ARHGEF18: variants seen among roughly 807,000 people sequenced by gnomAD.
ARHGEF18 encodes the protein rho guanine nucleotide exchange factor 18.
ARHGEF18 carries 93 observed loss-of-function variants against 155.7 expected under a neutral mutation model. The observed-to-expected ratio is 0.60, with a 90% confidence interval of 0.50 to 0.71. ARHGEF18 has a LOEUF of 0.71. Among genes scored for constraint, ARHGEF18 ranks in the 30% least tolerant of loss-of-function variants. ARHGEF18 has a pLI of 0.00. For synonymous variants in ARHGEF18, 742 were observed against 753.1 expected, an observed-to-expected ratio of 0.99 and a Z score of 0.24; for missense variants, 1,593 against 1,816.1, an observed-to-expected ratio of 0.88 and a Z score of 2.23.
intron 2 of ARHGEF18, among the ~76,000 whole-genome samples, chr19:7,372,431 G>A (rs1970248204): frequency 3.3e-5 from 5 of 151,472 alleles, no homozygotes; most frequent in Admixed American, 3.3e-4. Flanking sequence ...ACAAAAGAAG[G>A]GAAGGACAAA....
intron 15 of ARHGEF18, among the ~76,000 whole-genome samples, chr19:7,448,671 C>CA (rs1007436386): frequency 0.021 from 2,842 of 136,822 alleles, 104 homozygotes; most frequent in African/African-American, 0.071. Flanking sequence ...CAAAAAAATA[C>CA]AAAAAAAAAA....
rs184132005 is a variant in ARHGEF18 at position 7,431,728 on chromosome 19, C to T, written c.968-8616C>T. On this transcript the variant is annotated intron_variant, in intron 10 of 28. Coordinates refer to ENST00000668164, the MANE Select transcript of ARHGEF18 (RefSeq NM_001367823.1). ...ACTCGGGAGGCTGAGGCAGAAGAAT[C>T]GCTTGAACCCAGGAGGCGGAGGTTG... 5.9e-5 allele frequency among the ~76,000 whole-genome samples: 9 copies of T among 152,092 alleles called. No individual in the cohort carries two copies. The East Asian group carries it at 1.2e-3, about 20-fold the overall frequency.
Position 7,440,698 on chromosome 19 carries a change from A to G in ARHGEF18, c.1106+216A>G, listed in dbSNP as rs1453462800. 1.3e-5 allele frequency among the ~76,000 whole-genome samples: 2 copies of G among 152,048 alleles called. No individual in the cohort carries two copies. The highest frequency in any genetic ancestry group is 1.9e-4 in the East Asian group (1 of 5,186). ...CCGGGGTGTATTCGGCCCCTGGTGG[A>G]GCCAGTTTGCTTAGTGCCCTCGAGG... is the stretch of plus-strand genomic sequence containing the variant. On this transcript the variant is annotated intron_variant, in intron 11 of 28. Transcript: ENST00000668164. This position sits in a 1 kb window ranked among gnomAD's most constrained non-coding sequence, Gnocchi z 5.4.
rs1555704468 is a variant in ARHGEF18 at position 7,385,870 on chromosome 19, T to TCTCTCTCTCTCTCC, written c.967+2668_967+2669insTCTCTCTCTCTCCC. On this transcript the variant is annotated intron_variant, in intron 10 of 28. Coordinates refer to ENST00000668164, the MANE Select transcript of ARHGEF18 (RefSeq NM_001367823.1). ...CTCTCTCTCTCTCTCTCTCTCTCTC[T>TCTCTCTCTCTCTCC]CCCCCCTCCCTCTCTCCCTCCCTCC... is the stretch of plus-strand genomic sequence containing the variant. Among the ~76,000 whole-genome samples, 7 of 29,562 alleles carry TCTCTCTCTCTCTCC rather than the reference T, an allele frequency of 2.4e-4. 1 individual carries two copies. Among genetic ancestry groups the TCTCTCTCTCTCTCC allele is most frequent in the African/African-American group, 1.1e-3 (6 of 5,290 alleles). The allele number at this position is 29,562 out of a possible 152,430, so 19.4% of individuals were successfully genotyped here.
At chr19:7,408,394 C>T (rs1431920857) in intron 10 of ARHGEF18, among the ~76,000 whole-genome samples, 1 of 152,214 alleles carries the variant, frequency 6.6e-6, no homozygotes, top group Non-Finnish European at 1.5e-5. Flanking sequence ...GTGGGCGTGG[C>T]CGTGTTCTGA....
intron 10 of ARHGEF18, among the ~76,000 whole-genome samples, chr19:7,388,704 C>G (rs1444048602): frequency 1.3e-5 from 2 of 151,902 alleles, no homozygotes; most frequent in African/African-American, 4.8e-5. Context: ...CCTCAGCCTC[C>G]TGAGTAGCTG....
intron 10 of ARHGEF18, among the ~76,000 whole-genome samples, chr19:7,392,004 GC>G (rs2145512887): frequency 6.6e-6 from 1 of 152,214 alleles, no homozygotes; most frequent in East Asian, 1.9e-4. Flanking sequence ...ACTTTGGGAG[GC>G]TGAGGCAGGC....
chr19:7,363,132 ATGGATAGATGGATGGGTGGGTGGGTGTC>A (rs777062523), intron 2 of ARHGEF18, among the ~76,000 whole-genome samples: 10 of 152,142 alleles, frequency 6.6e-5, no homozygotes, highest in Non-Finnish European at 1.0e-4. Flanking sequence ...GAATGGATGG[ATGGATAGATGGATGGGTGGGTGGGTGTC>A]TGGATAGATG....
chr19:7,477,483 G>A (rs1238949041), downstream of ARHGEF18: 2 of 1,352,206 alleles, frequency 1.5e-6, no homozygotes, highest in East Asian at 5.9e-5. Flanking sequence ...ACACCTGCCT[G>A]CCCTTCCCAA....
chr19:7,383,203 G>A lies in ARHGEF18; in HGVS notation c.967G>A (p.Ala323Thr). ...PLCGKPFLSS[A>T]SLKEHPRGTL... ...GTGTGGCAAACCTTTCTTGAGCTCA[G>A]GTAAGTCTGGTGGCCCAATCCATCC... is the stretch of plus-strand genomic sequence containing the variant. Residue 323 changes from alanine to threonine, a missense_variant and splice_region_variant, in exon 10 of 29, where the codon GCC becomes ACC. Ala to Thr is a moderately conservative substitution (Grantham distance 58). Transcript: ENST00000668164. The A allele has an allele frequency of 3.2e-6, 4 of 1,232,344 alleles. No individual in the cohort carries two copies. Among genetic ancestry groups the A allele is most frequent in the Non-Finnish European group, 4.0e-6 (4 of 988,132 alleles). 76.3% of individuals were successfully genotyped at this position (1,232,344 alleles called of 1,614,324 possible). A position where few individuals can be genotyped will look rare whatever the true frequency, so the allele number is the denominator to read the frequency against.
At chr19:7,405,255 A>C (rs1189368152) in intron 10 of ARHGEF18, among the ~76,000 whole-genome samples, 3 of 151,982 alleles carry the variant, frequency 2.0e-5, no homozygotes, top group African/African-American at 7.2e-5. Flanking sequence ...CACCGCGCCC[A>C]GCGACCTCTT....
rs1555708477 is a variant in ARHGEF18 at position 7,398,704 on chromosome 19, A to ATAAAG, written c.967+15501_967+15502insTAAAG. 2.8e-4 allele frequency among the ~76,000 whole-genome samples: 41 copies of ATAAAG among 147,156 alleles called. No homozygotes were observed. In the East Asian group the frequency reaches 6.5e-3, roughly 23 times the overall value. On this transcript the variant is annotated intron_variant, in intron 10 of 28. Coordinates refer to ENST00000668164, the MANE Select transcript of ARHGEF18 (RefSeq NM_001367823.1). ...AGACTCTGTCTCAAAAAAAAAAAAAAAAATAAAGAAAGAAAGAAAAGAGAT... is the reference window on the plus strand; with the variant it reads ...AGACTCTGTCTCAAAAAAAAAAAAAATAAAGAAATAAAGAAAGAAAGAAAAGAGAT...
At chr19:7,441,182 CA>C (rs1974620929) in intron 11 of ARHGEF18, among the ~76,000 whole-genome samples, 1 of 102,356 alleles carries the variant, frequency 9.8e-6, no homozygotes, top group Non-Finnish European at 1.8e-5. Flanking sequence ...CGCCCCCCAC[CA>C]CTTTTTTTTT....
At chr19:7,465,148 C>T (rs1976533141) in intron 23 of ARHGEF18, among the ~76,000 whole-genome samples, 1 of 152,242 alleles carries the variant, frequency 6.6e-6, no homozygotes, top group South Asian at 2.1e-4. Flanking sequence ...CTTGGACTTG[C>T]CCCTGTGGCC....
At chr19:7,355,223 G>T (rs1316857781) in intron 1 of ARHGEF18, among the ~76,000 whole-genome samples, 3 of 151,592 alleles carry the variant, frequency 2.0e-5, no homozygotes, top group Admixed American at 6.6e-5. Flanking sequence ...AAACCCAAAA[G>T]CACGTGCTCT....
downstream of ARHGEF18, among the ~76,000 whole-genome samples, chr19:7,474,314 G>A (rs1977164724): frequency 3.9e-5 from 6 of 152,032 alleles, no homozygotes; most frequent in Admixed American, 3.9e-4. Flanking sequence ...CTCCAGCCTG[G>A]GGGACAACAG....
At chr19:7,382,087 G>A (rs555354312) in intron 8 of ARHGEF18, among the ~76,000 whole-genome samples, 1 of 152,078 alleles carries the variant, frequency 6.6e-6, no homozygotes, top group Non-Finnish European at 1.5e-5. Context: ...AGTTTGGGGT[G>A]GGGGAGGAGA....
intron 10 of ARHGEF18, chr19:7,394,956 C>T: frequency 1.3e-6 from 1 of 748,598 alleles, no homozygotes; most frequent in Non-Finnish European, 1.6e-6. Flanking sequence ...ACTTCGGTGC[C>T]CGCGCCCCTC....
rs372022094 is a variant in ARHGEF18 at position 7,468,752 on chromosome 19, C to T, written c.3481-73C>T. 3.8e-5 allele frequency: 54 copies of T among 1,430,874 alleles called. 1 individual carries two copies. The East Asian group carries it at 7.3e-4, about 19-fold the overall frequency. 88.6% of individuals were successfully genotyped at this position (1,430,874 alleles called of 1,614,324 possible). On this transcript the variant is annotated intron_variant, in intron 26 of 28. Coordinates refer to ENST00000668164, the MANE Select transcript of ARHGEF18 (RefSeq NM_001367823.1). ...GGAGAGGTCGAGGGTCTCCTGTGCACGACCCTCGGGGGCTCTCCAGAGGCC... is the reference window on the plus strand; with the variant it reads ...GGAGAGGTCGAGGGTCTCCTGTGCATGACCCTCGGGGGCTCTCCAGAGGCC...
Sources: gnomAD v4.1 joint callset for allele counts (sites outside exome capture counted in the v4.1 genomes callset) on GRCh38, gnomAD v4.1.1 for gene constraint, Gnocchi (gnomAD v3.1) non-coding constraint, MANE v1.5 for transcripts, NCBI Gene and HGNC (gene_info 2026-07-23, HGNC 2026-07-21) for gene names.